Variants in FAM20A observed in about 807,000 individuals in gnomAD.
FAM20A encodes the protein pseudokinase FAM20A.
FAM20A carries 42 observed loss-of-function variants against 52.0 expected under a neutral mutation model. The observed-to-expected ratio is 0.81, with a 90% CI of 0.63 to 1.04. The LOEUF is 1.04. Ranked by LOEUF, FAM20A falls within the 50% of genes least tolerant of loss-of-function variation. The pLI, the probability that FAM20A is intolerant of heterozygous loss-of-function variation, is 0.00. For missense variants in FAM20A, 742 were observed against 712.7 expected, an observed-to-expected ratio of 1.04 and a Z score of -0.47; for synonymous variants, 304 against 298.9, an observed-to-expected ratio of 1.02 and a Z score of -0.18.
intron 3 of FAM20A, among the ~76,000 whole-genome samples, chr17:68,554,116 G>T (rs1479442278): frequency 7.1e-6 from 1 of 140,256 alleles, no homozygotes; most frequent in Non-Finnish European, 1.5e-5. Flanking sequence ...ACACATATAT[G>T]TATACACACA....
chr17:68,600,964 C>T lies in FAM20A; in HGVS notation c.-298G>A, dbSNP rs939071818. 1.8e-5 allele frequency: 5 copies of T among 270,842 alleles called. No homozygotes were observed. The highest frequency in any genetic ancestry group is 2.7e-5 in the Non-Finnish European group (4 of 145,810). 16.8% of individuals were successfully genotyped at this position (270,842 alleles called of 1,614,324 possible). ...CGCTTCTTGCGCCTTTTCTCCCGTG[C>T]GCCCGCCCGCCCGGACGCTCGCGGC... On this transcript the variant is annotated 5_prime_UTR_variant, in exon 1 of 11. Transcript: ENST00000592554. This position sits in a 1 kb window ranked among gnomAD's most constrained non-coding sequence, Gnocchi z 6.2.
At position 68,537,614 on chromosome 17, in the gene FAM20A, C is replaced by A. The variant is rs2086132004; in HGVS notation, c.1489G>T (p.Ala497Ser). ...ATGGTTTGGAGCCTTCGATCCAGGG[C>A]AAGGAGGTGGGGTTCAGTGAGGACA... ...SPVLTEPHLL[A>S]LDRRLQTILR... The change falls in exon 11 of 11, where the codon GCC becomes TCC. Residue 497 changes from alanine to serine, a missense_variant. Coordinates refer to ENST00000592554, the MANE Select transcript of FAM20A (RefSeq NM_017565.4). The surrounding 1 kb of genome is among the most constrained non-coding windows in gnomAD (Gnocchi z 4.2). 2 of 1,613,640 alleles carry A rather than the reference C, an allele frequency of 1.2e-6. No individual in the cohort carries two copies. Among genetic ancestry groups the A allele is most frequent in the South Asian group, 2.2e-5 (2 of 90,966 alleles).
chr17:68,596,688 TC>T (rs1175041422), intron 1 of FAM20A, among the ~76,000 whole-genome samples: 34 of 152,232 alleles, frequency 2.2e-4, no homozygotes, highest in African/African-American at 8.2e-4. Context: ...AGACTTCATT[TC>T]CCTTCTTCCC....
rs778699734 is a variant in FAM20A at position 68,551,898 on chromosome 17, C to T, written c.694G>A (p.Gly232Arg). 4.2e-5 allele frequency: 66 copies of T among 1,588,160 alleles called. No individual in the cohort carries two copies. The highest frequency in any genetic ancestry group is 1.7e-4 in the Middle Eastern group (1 of 6,052). ...LKLVLRFSDF[G>R]KAMFKPMRQQ... ...CTCATGGGTTTGAACATGGCCTTCC[C>T]GAAATCCGAGAACCTCAGCACCAGC... The change falls in exon 4 of 11, where the codon GGG becomes AGG. Residue 232 changes from glycine (G) to arginine (R), a missense_variant. Transcript: ENST00000592554.
chr17:68,575,742 TTATATATTA>T (rs1568767802), intron 1 of FAM20A, among the ~76,000 whole-genome samples: 1 of 129,484 alleles, frequency 7.7e-6, no homozygotes, highest in African/African-American at 2.9e-5. Flanking sequence ...ATTATATATT[TTATATATTA>T]TATATATTTT....
In FAM20A at chr17:68,600,537, A is replaced by T. The variant is rs1567756804; in HGVS notation, c.130T>A (p.Cys44Ser). The T allele has an allele frequency of 6.4e-7, 1 of 1,561,398 alleles. No individual in the cohort carries two copies. The highest frequency in any genetic ancestry group is 2.4e-5 in the East Asian group (1 of 41,852). ...QLRPRERPRG[C>S]PCTGRASSLA... ...GAGGAGGCGCGGCCGGTGCACGGGC[A>T]CCCCCGCGGGCGCTCCCGAGGCCGC... Residue 44 changes from cysteine to serine, a missense_variant, in exon 1 of 11, where the codon TGC becomes AGC. By Grantham distance (112) the Cys-to-Ser change is moderately radical (BLOSUM62 -1). Coordinates refer to ENST00000592554, the MANE Select transcript of FAM20A (RefSeq NM_017565.4). The surrounding 1 kb of genome is among the most constrained non-coding windows in gnomAD (Gnocchi z 6.2).
intron 1 of FAM20A, among the ~76,000 whole-genome samples, chr17:68,584,058 T>C (rs974799784): frequency 3.3e-5 from 5 of 152,222 alleles, no homozygotes; most frequent in Admixed American, 2.0e-4. Context: ...GGCTCACGCC[T>C]GTATTCTCAG....
chr17:68,581,454 T>C (rs1277848899), intron 1 of FAM20A, among the ~76,000 whole-genome samples: 5 of 51,150 alleles, frequency 9.8e-5, no homozygotes, highest in African/African-American at 4.5e-4. Flanking sequence ...TTTTCTTTTC[T>C]TTCTTTCCTT....
Position 68,600,196 on chromosome 17 carries a change from G to A in FAM20A, c.404+67C>T, listed in dbSNP as rs2088574132. 2 of 1,522,788 alleles carry A rather than the reference G, an allele frequency of 1.3e-6. No homozygotes were observed. The highest frequency in any genetic ancestry group is 1.2e-5 in the South Asian group (1 of 81,576). 94.3% of individuals were successfully genotyped at this position (1,522,788 alleles called of 1,614,324 possible). On this transcript the variant is annotated intron_variant, in intron 1 of 10. Coordinates refer to ENST00000592554, the MANE Select transcript of FAM20A (RefSeq NM_017565.4). This position sits in a 1 kb window ranked among gnomAD's most constrained non-coding sequence, Gnocchi z 6.2. ...CTGGGCCGGGGGCGTCAGGAAACTC[G>A]AGACTGGGGCGCGGGGAGGCCCCGG...
At chr17:68,542,560 T>C in intron 6 of FAM20A, 134 bp downstream of exon 6, 1 of 755,052 alleles carries the variant, frequency 1.3e-6, no homozygotes, top group East Asian at 2.6e-5. Flanking sequence ...TGGGAGTGTC[T>C]TACAACTTCA....
At position 68,537,571 on chromosome 17, in the gene FAM20A, C is replaced by T; in HGVS notation, c.1532G>A (p.Gly511Glu). ...CTGCTGTCCATGGGCCACTATGCAC[C>T]CCTCCACTGTCCTTAGGATGGTTTG... is the stretch of plus-strand genomic sequence containing the variant. The part of the protein sequence containing the change: ...RLQTILRTVE[G>E]CIVAHGQQSV... The change falls in exon 11 of 11, where the codon GGG (glycine) becomes GAG (glutamate). Residue 511 changes from glycine (G) to glutamate (E), a missense_variant. Physicochemically the swap from Gly to Glu is moderately conservative, Grantham distance 98 (BLOSUM62 -2). Coordinates refer to ENST00000592554, the MANE Select transcript of FAM20A (RefSeq NM_017565.4). This position sits in a 1 kb window ranked among gnomAD's most constrained non-coding sequence, Gnocchi z 4.2. 2 of 1,613,224 alleles carry T rather than the reference C, an allele frequency of 1.2e-6. No individual in the cohort carries two copies. The highest frequency in any genetic ancestry group is 1.7e-6 in the Non-Finnish European group (2 of 1,179,380).
chr17:68,584,348 A>AAAACAAAACAAAACAAAAC (rs1491466615), intron 1 of FAM20A, among the ~76,000 whole-genome samples: 114 of 21,930 alleles, frequency 5.2e-3, no homozygotes, highest in African/African-American at 0.014. Flanking sequence ...AAAACAAAAC[A>AAAACAAAACAAAACAAAAC]AAAAAAAAAC....
intron 1 of FAM20A, among the ~76,000 whole-genome samples, chr17:68,591,370 A>C (rs1311527635): frequency 6.6e-6 from 1 of 152,182 alleles, no homozygotes; most frequent in African/African-American, 2.4e-5. Context: ...AAGTGTTGGG[A>C]TTACAGGCGT....
Position 68,543,665 on chromosome 17 carries a change from C to G in FAM20A, c.776G>C (p.Arg259Thr), listed in dbSNP as rs1368355737. The G allele has an allele frequency of 7.4e-6, 12 of 1,614,026 alleles. No homozygotes were observed. In the South Asian group the frequency reaches 1.3e-4, roughly 18 times the overall value. ...VDFFYFIDFQRHNAEIAAFHL... is the reference protein window; with the variant it reads ...VDFFYFIDFQTHNAEIAAFHL... ...GAAAGCTGCGATCTCAGCATTGTGT[C>G]TCTGAAAGTCAATGAAGTAGAAGAA... The change falls in exon 5 of 11, where the codon AGA (arginine) becomes ACA (threonine). Residue 259 changes from arginine (R) to threonine (T), a missense_variant. By Grantham distance (71) the Arg-to-Thr change is moderately conservative. Coordinates refer to ENST00000592554, the MANE Select transcript of FAM20A (RefSeq NM_017565.4).
In FAM20A at chr17:68,600,755, T is replaced by C; in HGVS notation, c.-89A>G. 1 of 1,398,052 alleles carries C rather than the reference T, an allele frequency of 7.2e-7. No individual in the cohort carries two copies. The highest frequency in any genetic ancestry group is 2.3e-5 in the Admixed American group (1 of 42,980). The allele number at this position is 1,398,052 out of a possible 1,614,324, so 86.6% of individuals were successfully genotyped here. On this transcript the variant is annotated 5_prime_UTR_variant, in exon 1 of 11. Transcript: ENST00000592554. This position sits in a 1 kb window ranked among gnomAD's most constrained non-coding sequence, Gnocchi z 6.2. ...GCGGGGTGCGGGCAGAAGAGGTGCC[T>C]GGAGTCCCGCGGGTGGGCCGGGGTC...
At chr17:68,569,554 A>T (rs1802932701) in intron 1 of FAM20A, among the ~76,000 whole-genome samples, 1 of 152,256 alleles carries the variant, frequency 6.6e-6, no homozygotes, top group Non-Finnish European at 1.5e-5. Flanking sequence ...TACTAGCCAC[A>T]TGTGACTAAT....
chr17:68,575,382 CAT>C (rs3059287), intron 1 of FAM20A, among the ~76,000 whole-genome samples: 3 of 129,052 alleles, frequency 2.3e-5, no homozygotes, highest in Non-Finnish European at 3.2e-5. Flanking sequence ...CTTTACTTTA[CAT>C]ATATATATAT....
At chr17:68,559,200 A>C (rs571070349) in intron 1 of FAM20A, among the ~76,000 whole-genome samples, 1 of 152,260 alleles carries the variant, frequency 6.6e-6, no homozygotes, top group African/African-American at 2.4e-5. Flanking sequence ...TACTTTGTTC[A>C]CAGAAAGGCT....
chr17:68,563,184 A>G (rs372248020), intron 1 of FAM20A, among the ~76,000 whole-genome samples: 1 of 151,966 alleles, frequency 6.6e-6, no homozygotes, highest in Non-Finnish European at 1.5e-5. Context: ...TCAGGAGTTC[A>G]AGACCAGCCT....
Sources: allele counts gnomAD v4.1 joint callset (sites outside exome capture counted in the v4.1 genomes callset), GRCh38; gene constraint gnomAD v4.1.1; non-coding constraint Gnocchi (gnomAD v3.1); transcripts MANE v1.5; gene names NCBI Gene and HGNC (gene_info 2026-07-23, HGNC 2026-07-21).